Variants in KIF13A observed in about 807,000 individuals in gnomAD.
KIF13A encodes kinesin family member 13A.
A neutral mutation model predicts 212.2 loss-of-function variants in KIF13A; 79 were observed. That is an observed-to-expected ratio of 0.37 (90% CI 0.31 to 0.45). The LOEUF is 0.45. KIF13A is among the 20% of genes least tolerant of loss of function. The probability of loss-of-function intolerance (pLI) is 1.00; values close to 1 mark genes in which losing one functional copy is unlikely to be tolerated. For synonymous variants in KIF13A, 789 were observed against 808.6 expected (o/e 0.98, Z 0.41); for missense variants, 1,901 against 2,209.0 (o/e 0.86, Z 2.79).
intron 2 of KIF13A, among the ~76,000 whole-genome samples, chr6:17,985,288 A>G (rs1472220200): frequency 6.6e-6 from 1 of 152,166 alleles, no homozygotes; most frequent in Non-Finnish European, 1.5e-5. Context: ...CACCCTTCAA[A>G]TCTTTACCTA....
intron 2 of KIF13A, among the ~76,000 whole-genome samples, chr6:17,911,360 T>C (rs1265679325): frequency 6.6e-6 from 1 of 152,218 alleles, no homozygotes; most frequent in Non-Finnish European, 1.5e-5. Flanking sequence ...ATTCAAACAA[T>C]TCTTGTTAGA....
At chr6:17,791,404 C>T (rs547559187) in intron 25 of KIF13A, among the ~76,000 whole-genome samples, 1 of 143,798 alleles carries the variant, frequency 7.0e-6, no homozygotes, top group Non-Finnish European at 1.5e-5. Context: ...AATTCTAAAA[C>T]ACTGTGACAA....
intron 3 of KIF13A, among the ~76,000 whole-genome samples, chr6:17,893,871 G>A (rs1326688441): frequency 1.8e-5 from 2 of 111,972 alleles, no homozygotes; most frequent in African/African-American, 7.1e-5. Flanking sequence ...ACAGAGTCTT[G>A]CTCTGTCGCC....
intron 2 of KIF13A, among the ~76,000 whole-genome samples, chr6:17,966,493 T>TG (rs1554124645): frequency 8.2e-6 from 1 of 121,228 alleles, no homozygotes; most frequent in African/African-American, 3.2e-5. Context: ...TCAAAAGTTC[T>TG]GAAAAAAAAA....
intron 38 of KIF13A, among the ~76,000 whole-genome samples, chr6:17,767,250 A>C (rs1759076584): frequency 6.9e-6 from 1 of 144,664 alleles, no homozygotes; most frequent in African/African-American, 2.5e-5. Context: ...TTAGACTCAA[A>C]ATTAATTTTT....
intron 4 of KIF13A, among the ~76,000 whole-genome samples, chr6:17,865,541 C>T (rs539934636): frequency 2.7e-4 from 41 of 152,278 alleles, no homozygotes; most frequent in African/African-American, 9.4e-4. Context: ...GTGAAGAATG[C>T]CCAGCTTGGA....
In KIF13A at chr6:17,951,556, C is replaced by G. The variant is rs1332759803; in HGVS notation, c.146+35498G>C. Reference sequence around the variant, plus strand: ...CAGAGTTATGTGGCTATCACCACAACTGCAGAACATTCTCAATACCCCCCT... The same window carrying G: ...CAGAGTTATGTGGCTATCACCACAAGTGCAGAACATTCTCAATACCCCCCT... On this transcript the variant is annotated intron_variant, in intron 2 of 38. Coordinates refer to ENST00000259711, the MANE Select transcript of KIF13A (RefSeq NM_022113.6). The surrounding 1 kb of genome is among the most constrained non-coding windows in gnomAD (Gnocchi z 4.9). 1.2e-5 allele frequency: 5 copies of G among 419,066 alleles called. No homozygotes were observed. The highest frequency in any genetic ancestry group is 4.2e-6 in the Non-Finnish European group (1 of 236,028). The allele number at this position is 419,066 out of a possible 1,614,324, so 26.0% of individuals were successfully genotyped here.
intron 38 of KIF13A, 79 bp from the exon 39 acceptor site, chr6:17,765,025 G>A (rs868791885): frequency 2.8e-5 from 31 of 1,096,300 alleles, no homozygotes; most frequent in Middle Eastern, 4.1e-4. Context: ...ATACTTGGCT[G>A]TTAAAGGCAT....
chr6:17,927,991 A>T (rs185168057), intron 2 of KIF13A, among the ~76,000 whole-genome samples: 99 of 152,358 alleles, frequency 6.5e-4, no homozygotes, highest in Admixed American at 1.7e-3. Context: ...GGCTTCAGCA[A>T]GAGAAAGGCA....
In KIF13A at chr6:17,984,952, T is replaced by C. The variant is rs945896806; in HGVS notation, c.146+2102A>G. 3.9e-5 allele frequency among the ~76,000 whole-genome samples: 6 copies of C among 152,230 alleles called. No homozygotes were observed. ...GCCCAAGGGAGGAATTGTTTCTATT[T>C]TTAAATGCACTGTTACTTTAAGGGA... On this transcript the variant is annotated intron_variant, in intron 2 of 38. Transcript: ENST00000259711. The surrounding 1 kb of genome is among the most constrained non-coding windows in gnomAD (Gnocchi z 5.0).
rs575634508 is a variant in KIF13A, at chr6:17,773,772, C to G, written c.4219-189G>C. Among the ~76,000 whole-genome samples, 1 of 151,906 alleles carries G rather than the reference C, an allele frequency of 6.6e-6. No individual in the cohort carries two copies. The highest frequency in any genetic ancestry group is 2.1e-4 in the South Asian group (1 of 4,806). ...AATACTGTCATATCCAAGGTATACC[C>G]GGAGTGAATACATGTTAATATTTTA... On this transcript the variant is annotated intron_variant, in intron 35 of 38. Coordinates refer to ENST00000259711, the MANE Select transcript of KIF13A (RefSeq NM_022113.6). This position sits in a 1 kb window ranked among gnomAD's most constrained non-coding sequence, Gnocchi z 4.2.
At chr6:17,970,949 G>C (rs1454507349) in intron 2 of KIF13A, among the ~76,000 whole-genome samples, 2 of 152,040 alleles carry the variant, frequency 1.3e-5, no homozygotes, top group African/African-American at 4.8e-5. Flanking sequence ...CTGCAGCTCA[G>C]AGACAAAGTA....
chr6:17,805,390 TGTGTGTGTGTGTGTGTG>T, intron 19 of KIF13A, 68 bp downstream of exon 19: 2 of 556,800 alleles, frequency 3.6e-6, no homozygotes, highest in Non-Finnish European at 6.0e-6. Context: ...TGTGTGTGTG[TGTGTGTGTGTGTGTGTG>T]TTGCTAAATC....
intron 2 of KIF13A, among the ~76,000 whole-genome samples, chr6:17,977,071 C>CAG (rs1402551009): frequency 2.7e-5 from 4 of 149,060 alleles, no homozygotes; most frequent in African/African-American, 7.4e-5. Context: ...CACTGCACTC[C>CAG]AGCCTGGGAA....
At chr6:17,824,781 C>CAAA (rs59974782) in intron 16 of KIF13A, among the ~76,000 whole-genome samples, 24 of 90,676 alleles carry the variant, frequency 2.6e-4, no homozygotes, top group Admixed American at 1.4e-3. Flanking sequence ...AAAAAAAAAA[C>CAAA]AAAACACCAA....
intron 2 of KIF13A, among the ~76,000 whole-genome samples, chr6:17,953,330 A>G (rs1778043598): frequency 6.6e-6 from 1 of 152,226 alleles, no homozygotes; most frequent in Non-Finnish European, 1.5e-5. Context: ...CTCAAAGAAT[A>G]CACTCCAAAC....
At chr6:17,770,934 T>C (rs1561950536) in intron 38 of KIF13A, 180 bp downstream of exon 38, 1 of 539,924 alleles carries the variant, frequency 1.9e-6, no homozygotes, top group Non-Finnish European at 3.1e-6. Context: ...ATAAATAAGA[T>C]AAAATTGTAG....
Position 17,826,015 on chromosome 6 carries a change from A to C in KIF13A, c.1619+23T>G. Reference sequence around the variant, plus strand: ...ACAGAAAAAATGTATACGAAAATATATTACAGAACACAAAGATGTTACCTA... The same window carrying C: ...ACAGAAAAAATGTATACGAAAATATCTTACAGAACACAAAGATGTTACCTA... On this transcript the variant is annotated intron_variant, in intron 15 of 38. Transcript: ENST00000259711. The surrounding 1 kb of genome is among the most constrained non-coding windows in gnomAD (Gnocchi z 4.7). The C allele has an allele frequency of 6.2e-7, 1 of 1,611,794 alleles. No individual in the cohort carries two copies. Among genetic ancestry groups the C allele is most frequent in the Non-Finnish European group, 8.5e-7 (1 of 1,178,114 alleles).
At chr6:17,798,249 C>G (rs1475762875) in intron 22 of KIF13A, among the ~76,000 whole-genome samples, 1 of 151,978 alleles carries the variant, frequency 6.6e-6, no homozygotes, top group Non-Finnish European at 1.5e-5. Flanking sequence ...CAAAAAACTC[C>G]AAGATCATAA....
Sources: gnomAD v4.1 joint callset for allele counts (sites outside exome capture counted in the v4.1 genomes callset) on GRCh38, gnomAD v4.1.1 for gene constraint, Gnocchi (gnomAD v3.1) non-coding constraint, MANE v1.5 for transcripts, NCBI Gene and HGNC (gene_info 2026-07-23, HGNC 2026-07-21) for gene names.